Variants in RBM27 observed in about 807,000 individuals in gnomAD.
RBM27 encodes the protein RNA binding motif protein 27.
In RBM27, 22 loss-of-function variants were observed where a neutral mutation model predicts 135.3. The observed-to-expected ratio is 0.16, with a 90% CI of 0.12 to 0.23. The LOEUF (loss-of-function observed/expected upper bound fraction) is 0.23, where lower values mean the gene tolerates loss of function less well. RBM27 is among the 10% of genes least tolerant of loss of function. The probability of loss-of-function intolerance (pLI) is 1.00; values close to 1 mark genes in which losing one functional copy is unlikely to be tolerated. For missense variants in RBM27, 1,009 were observed against 1,281.0 expected (o/e 0.79, Z 3.24); for synonymous variants, 481 against 442.4 (o/e 1.09, Z -1.10).
intron 19 of RBM27, among the ~76,000 whole-genome samples, chr5:146,283,152 A>G (rs1401296599): frequency 1.3e-5 from 2 of 152,236 alleles, no homozygotes; most frequent in Non-Finnish European, 2.9e-5. Context: ...GAACAAAACA[A>G]GCAGGGAAAG....
intron 4 of RBM27, among the ~76,000 whole-genome samples, chr5:146,229,435 CT>C (rs1232925536): frequency 6.6e-6 from 1 of 152,026 alleles, no homozygotes; most frequent in Non-Finnish European, 1.5e-5. Flanking sequence ...TTTTTTGAGC[CT>C]TTTTTCTTTT....
rs1324238225 is a variant in RBM27 at position 146,203,657 on chromosome 5, C to T, written c.-109C>T. On this transcript the variant is annotated 5_prime_UTR_variant, in exon 1 of 21. Coordinates refer to ENST00000265271, the MANE Select transcript of RBM27 (RefSeq NM_018989.2). ...GTAGGTTGAAGTCTCCTAAGATGCC[C>T]GGTGGGCTGGGGCACCGGGAGCTGT... The T allele has an allele frequency of 1.9e-6, 2 of 1,027,548 alleles. No homozygotes were observed. Among genetic ancestry groups the T allele is most frequent in the Non-Finnish European group, 2.9e-6 (2 of 679,544 alleles). 63.7% of individuals were successfully genotyped at this position (1,027,548 alleles called of 1,614,324 possible).
Position 146,263,553 on chromosome 5 carries a change from T to C in RBM27, c.2253T>C (p.Arg751=), listed in dbSNP as rs754573047. The C allele has an allele frequency of 4.3e-6, 7 of 1,614,136 alleles. No homozygotes were observed. The highest frequency in any genetic ancestry group is 5.9e-6 in the Non-Finnish European group (7 of 1,180,010). The change falls in exon 14 of 21, where the codon CGT becomes CGC. Residue 751 remains arginine (R), a synonymous_variant. Transcript: ENST00000265271. ...TTAACAAAGTTCCTGTTAAACATCG[T>C]CTTGGACATGCAGGTGGTAACCAGA... ...YVLNKVPVKH[R]LGHAGGNQSD... is the part of the protein sequence containing the mutation.
Position 146,271,682 on chromosome 5 carries a change from T to G in RBM27, c.2988+8T>G, listed in dbSNP as rs779246823. 2 of 1,601,482 alleles carry G rather than the reference T, an allele frequency of 1.2e-6. No homozygotes were observed. The highest frequency in any genetic ancestry group is 1.7e-6 in the Non-Finnish European group (2 of 1,169,476). On this transcript the variant is annotated splice_region_variant and intron_variant, in intron 19 of 20. Coordinates refer to ENST00000265271, the MANE Select transcript of RBM27 (RefSeq NM_018989.2). ...TTGCTTCAGCATTTCTCAGTAAGTTTTTAAAATAGCAAATGCTAACTGTAA... is the reference window on the plus strand; with the variant it reads ...TTGCTTCAGCATTTCTCAGTAAGTTGTTAAAATAGCAAATGCTAACTGTAA...
At chr5:146,211,580 C>T (rs1051006142) in intron 1 of RBM27, among the ~76,000 whole-genome samples, 1 of 142,612 alleles carries the variant, frequency 7.0e-6, no homozygotes, top group Non-Finnish European at 1.5e-5. Context: ...CTCCTGGGTT[C>T]AAGCTATTAT....
intron 3 of RBM27, among the ~76,000 whole-genome samples, 163 bp downstream of exon 3, chr5:146,223,690 T>C (rs543800181): frequency 3.9e-5 from 6 of 152,316 alleles, no homozygotes; most frequent in African/African-American, 1.4e-4. Flanking sequence ...TTGCTTGGAC[T>C]GAAGAGTTGA....
chr5:146,272,632 G>T (rs1385993333), intron 19 of RBM27, among the ~76,000 whole-genome samples: 1 of 151,660 alleles, frequency 6.6e-6, no homozygotes, highest in East Asian at 1.9e-4. Flanking sequence ...TGAGGCAGGA[G>T]AATTGCTTGA....
rs1366367452 is a variant in RBM27, at chr5:146,284,675, C to T, written c.3042C>T (p.His1014=). Residue 1014 remains histidine (H), a synonymous_variant, in exon 20 of 21, where the codon CAC becomes CAT. Coordinates refer to ENST00000265271, the MANE Select transcript of RBM27 (RefSeq NM_018989.2). ...FKDRRLQISW[H]KPKVPSISTE... Reference sequence around the variant, plus strand: ...ACCGTCGGCTACAGATATCATGGCACAAGCCCAAGGTACCATCTATATCCA... The same window carrying T: ...ACCGTCGGCTACAGATATCATGGCATAAGCCCAAGGTACCATCTATATCCA... 3 of 1,613,490 alleles carry T rather than the reference C, an allele frequency of 1.9e-6. No homozygotes were observed. The highest frequency in any genetic ancestry group is 2.2e-5 in the East Asian group (1 of 44,818).
intron 1 of RBM27, among the ~76,000 whole-genome samples, chr5:146,205,194 G>A (rs1755577069): frequency 6.6e-6 from 1 of 152,190 alleles, no homozygotes; most frequent in Non-Finnish European, 1.5e-5. Flanking sequence ...CACTGGACCC[G>A]GCCATGTTTG....
At position 146,264,260 on chromosome 5, in the gene RBM27, C is replaced by T. The variant is rs370744750; in HGVS notation, c.2331+629C>T. On this transcript the variant is annotated intron_variant, in intron 14 of 20. Coordinates refer to ENST00000265271, the MANE Select transcript of RBM27 (RefSeq NM_018989.2). ...GTGCAATGGCACAATCTCGGCTCAC[C>T]GCAACCTCCACCTCCTGGGTTCAAG... Among the ~76,000 whole-genome samples, 545 of 151,708 alleles carry T rather than the reference C, an allele frequency of 3.6e-3. 6 individuals carry two copies. The highest frequency in any genetic ancestry group is 0.03 in the South Asian group (144 of 4,814).
At chr5:146,235,924 C>T (rs1757140760) in intron 7 of RBM27, among the ~76,000 whole-genome samples, 1 of 152,026 alleles carries the variant, frequency 6.6e-6, no homozygotes, top group African/African-American at 2.4e-5. Flanking sequence ...CTCCTGGGCT[C>T]AAGCAGTTTG....
chr5:146,237,751 A>G (rs1353737567), intron 8 of RBM27, among the ~76,000 whole-genome samples: 2 of 152,110 alleles, frequency 1.3e-5, no homozygotes, highest in Non-Finnish European at 2.9e-5. Context: ...GCAGTGGCAC[A>G]ATCTCAGCTC....
At chr5:146,206,160 G>A (rs1755636254) in intron 1 of RBM27, among the ~76,000 whole-genome samples, 1 of 152,110 alleles carries the variant, frequency 6.6e-6, no homozygotes, top group South Asian at 2.1e-4. Flanking sequence ...AGTTTTGTTG[G>A]TAGCTATCCT....
intron 15 of RBM27, among the ~76,000 whole-genome samples, chr5:146,268,476 A>T (rs556251246): frequency 1.3e-4 from 20 of 152,274 alleles, no homozygotes; most frequent in African/African-American, 4.3e-4. Flanking sequence ...TCCCAACCTC[A>T]GGTGATCCAC....
rs769500318 is a variant in RBM27 at position 146,269,508 on chromosome 5, A to G, written c.2615A>G (p.Lys872Arg). The change falls in exon 17 of 21, where the codon AAG becomes AGG. Residue 872 changes from lysine (K) to arginine (R), a missense_variant. Around this residue, in one of 6 missense-constraint regions of RBM27, gnomAD observed 355 missense variants for 427.3 expected, o/e 0.83. Coordinates refer to ENST00000265271, the MANE Select transcript of RBM27 (RefSeq NM_018989.2). ...AAGACTTTGAAAGAGCTTGGAGAGA[A>G]GATCTCACAATTAAAAGATGAATTA... ...IMKTLKELGE[K>R]ISQLKDELKT... The G allele has an allele frequency of 1.9e-6, 3 of 1,584,698 alleles. No individual in the cohort carries two copies. The East Asian group carries it at 6.8e-5, about 36-fold the overall frequency.
chr5:146,235,484 A>C (rs1018259671), intron 7 of RBM27, among the ~76,000 whole-genome samples: 2 of 151,900 alleles, frequency 1.3e-5, no homozygotes, highest in African/African-American at 4.8e-5. Flanking sequence ...TGAACCCAGG[A>C]GGTCAAGGGT....
At chr5:146,270,390 T>C (rs1048592814) in intron 17 of RBM27, among the ~76,000 whole-genome samples, 6 of 152,206 alleles carry the variant, frequency 3.9e-5, no homozygotes, top group Non-Finnish European at 7.4e-5. Flanking sequence ...ATAAAGTGTT[T>C]AAGATTTCTT....
At chr5:146,266,938 A>C (rs1245517776) in intron 14 of RBM27, among the ~76,000 whole-genome samples, 1 of 152,224 alleles carries the variant, frequency 6.6e-6, no homozygotes, top group Non-Finnish European at 1.5e-5. Flanking sequence ...TTAAAAAAAA[A>C]GAAGAAAGGA....
chr5:146,203,941 C>T (rs1047545950), intron 1 of RBM27, 117 bp downstream of exon 1: 25 of 1,018,670 alleles, frequency 2.5e-5, no homozygotes, highest in African/African-American at 1.7e-4. Context: ...CGGGAGGTCC[C>T]GGCGACGCCT....
Sources: allele counts gnomAD v4.1 joint callset (sites outside exome capture counted in the v4.1 genomes callset), GRCh38; gene constraint gnomAD v4.1.1; regional missense constraint gnomAD v4.1.1; transcripts MANE v1.5; gene names NCBI Gene and HGNC (gene_info 2026-07-23, HGNC 2026-07-21).